Variants in NYAP2 observed in about 807,000 individuals in gnomAD.
NYAP2 encodes neuronal tyrosine-phosphorylated phosphoinositide-3-kinase adapter 2.
NYAP2 carries 23 observed loss-of-function variants against 50.4 expected under a neutral mutation model. The ratio of observed to expected loss-of-function variants is 0.46; its 90% CI spans 0.33 to 0.65. The LOEUF (loss-of-function observed/expected upper bound fraction) is 0.65. Ranked by LOEUF, NYAP2 falls within the 30% of genes least tolerant of loss-of-function variation. NYAP2 has a pLI of 0.02. For missense variants in NYAP2, 885 were observed against 861.0 expected (o/e 1.03, Z -0.35); for synonymous variants, 394 against 365.2 (o/e 1.08, Z -0.90).
intron 5 of NYAP2, among the ~76,000 whole-genome samples, chr2:225,617,837 T>A (rs1005581048): frequency 2.0e-5 from 3 of 152,156 alleles, no homozygotes; most frequent in Admixed American, 6.6e-5. Context: ...GAGCCAGGGA[T>A]GGGATTAGAG....
chr2:225,597,395 G>A (rs996266465), intron 5 of NYAP2, among the ~76,000 whole-genome samples: 1 of 149,956 alleles, frequency 6.7e-6, no homozygotes, highest in Non-Finnish European at 1.5e-5. Flanking sequence ...AACATACAAT[G>A]TTTGTTTTTC....
chr2:225,687,013 G>A, the NYAP2 span, among the ~76,000 whole-genome samples: 4 of 152,146 alleles, frequency 2.6e-5, no homozygotes, highest in African/African-American at 9.7e-5. Flanking sequence ...AATTGTGCTT[G>A]TGTGTATGTG....
chr2:225,429,062 C>A (rs564567738), intron 3 of NYAP2, among the ~76,000 whole-genome samples: 4 of 151,988 alleles, frequency 2.6e-5, no homozygotes, highest in Non-Finnish European at 4.4e-5. Flanking sequence ...AAGAAATTCT[C>A]CAAAATCATA....
intron 4 of NYAP2, among the ~76,000 whole-genome samples, chr2:225,556,488 A>C (rs1228690734): frequency 6.6e-6 from 1 of 152,172 alleles, no homozygotes; most frequent in African/African-American, 2.4e-5. Context: ...TAATTTAGGC[A>C]TCTAGACTTC....
chr2:225,623,523 T>A (rs1693159725), intron 5 of NYAP2, among the ~76,000 whole-genome samples: 1 of 152,132 alleles, frequency 6.6e-6, no homozygotes, highest in African/African-American at 2.4e-5. Flanking sequence ...ATTTAATGAC[T>A]ATAAGCAATA....
chr2:225,617,825 A>G (rs1441937988), intron 5 of NYAP2, among the ~76,000 whole-genome samples: 2 of 152,178 alleles, frequency 1.3e-5, no homozygotes, highest in African/African-American at 2.4e-5. Flanking sequence ...AGAGGTGGGT[A>G]TGAGCCAGGG....
At chr2:225,563,768 T>C (rs561566028) in intron 4 of NYAP2, among the ~76,000 whole-genome samples, 1 of 152,240 alleles carries the variant, frequency 6.6e-6, no homozygotes, top group Non-Finnish European at 1.5e-5. Flanking sequence ...AGTTTGAAAA[T>C]GTACTTTCAA....
intron 4 of NYAP2, among the ~76,000 whole-genome samples, chr2:225,533,857 T>A (rs573738123): frequency 1.3e-5 from 2 of 152,376 alleles, no homozygotes; most frequent in South Asian, 4.1e-4. Flanking sequence ...TCTAGGTAAC[T>A]TGGCTATGGT....
At chr2:225,637,888 A>C (rs899163661) in intron 6 of NYAP2, among the ~76,000 whole-genome samples, 4 of 152,206 alleles carry the variant, frequency 2.6e-5, no homozygotes. Context: ...TACAAAATGC[A>C]AAAGGCTAAT....
intron 3 of NYAP2, among the ~76,000 whole-genome samples, chr2:225,471,035 A>G (rs2106159160): frequency 6.6e-6 from 1 of 152,316 alleles, no homozygotes; most frequent in African/African-American, 2.4e-5. Context: ...GAACTTCCCC[A>G]CAAAATATGT....
At chr2:225,619,896 T>A (rs2106252770) in intron 5 of NYAP2, among the ~76,000 whole-genome samples, 1 of 152,372 alleles carries the variant, frequency 6.6e-6, no homozygotes, top group African/African-American at 2.4e-5. Flanking sequence ...TCCATTTTTG[T>A]AATAAATTTA....
At chr2:225,519,438 C>G (rs1691006754) in intron 4 of NYAP2, among the ~76,000 whole-genome samples, 1 of 124,678 alleles carries the variant, frequency 8.0e-6, no homozygotes, top group Admixed American at 9.8e-5. Flanking sequence ...CACCCCACAA[C>G]AGTCCCCAGA....
intron 3 of NYAP2, among the ~76,000 whole-genome samples, chr2:225,475,342 T>C (rs1173724180): frequency 6.6e-6 from 1 of 152,220 alleles, no homozygotes. Context: ...TTCAAAGACA[T>C]AATTTTCTCT....
intron 4 of NYAP2, among the ~76,000 whole-genome samples, chr2:225,554,292 A>C (rs1478794262): frequency 6.6e-6 from 1 of 150,484 alleles, no homozygotes; most frequent in Non-Finnish European, 1.5e-5. Context: ...ATCTAAAACC[A>C]TATAAAACTG....
intron 5 of NYAP2, among the ~76,000 whole-genome samples, chr2:225,586,675 T>C (rs186812634): frequency 1.3e-5 from 2 of 152,330 alleles, no homozygotes; most frequent in East Asian, 3.9e-4. Context: ...ATATATTCAT[T>C]ATGATTTTGA....
chr2:225,673,183 GCTTA>G, the NYAP2 span, among the ~76,000 whole-genome samples: 4 of 151,948 alleles, frequency 2.6e-5, no homozygotes, highest in African/African-American at 7.2e-5. Context: ...ACCTGGTGAG[GCTTA>G]CTTACTATCA....
chr2:225,533,083 G>A (rs997039685), intron 4 of NYAP2, among the ~76,000 whole-genome samples: 6 of 152,136 alleles, frequency 3.9e-5, no homozygotes, highest in African/African-American at 1.4e-4. Context: ...TAGATCAAGG[G>A]CACCTACCCC....
chr2:225,531,142 CT>C (rs1456365018), intron 4 of NYAP2, among the ~76,000 whole-genome samples: 1 of 152,162 alleles, frequency 6.6e-6, no homozygotes, highest in Non-Finnish European at 1.5e-5. Flanking sequence ...TAAAACTGAA[CT>C]CATTAGCATG....
chr2:225,688,107 G>C, the NYAP2 span, among the ~76,000 whole-genome samples: 10 of 152,124 alleles, frequency 6.6e-5, no homozygotes, highest in African/African-American at 2.2e-4. Flanking sequence ...GCATTGATTT[G>C]TGTCTCAACT....
Sources: gnomAD v4.1 joint callset for allele counts (sites outside exome capture counted in the v4.1 genomes callset) on GRCh38, gnomAD v4.1.1 for gene constraint, MANE v1.5 for transcripts, NCBI Gene and HGNC (gene_info 2026-07-23, HGNC 2026-07-21) for gene names.